ALDH8A1: variants seen among roughly 807,000 people sequenced by gnomAD.
ALDH8A1 encodes 2-aminomuconic semialdehyde dehydrogenase.
Under a neutral mutation model 43.3 loss-of-function variants are expected in ALDH8A1, and 39 were observed. The ratio of observed to expected loss-of-function variants is 0.90; its 90% CI spans 0.70 to 1.18. The LOEUF (loss-of-function observed/expected upper bound fraction) is 1.18, where lower values mean the gene tolerates loss of function less well. Ranked by LOEUF, ALDH8A1 falls within the 50% of genes most tolerant of loss-of-function variation. The pLI, the probability that ALDH8A1 is intolerant of heterozygous loss-of-function variation, is 0.00. For synonymous variants in ALDH8A1, 233 were observed against 243.5 expected (o/e 0.96, Z 0.40); for missense variants, 605 against 622.6 (o/e 0.97, Z 0.30).
In ALDH8A1 at chr6:134,932,762, C is replaced by G. The variant is rs1159389088; in HGVS notation, c.849+14G>C. ...GGCCATGGAGGGGAGGGAGAAGAACCCCCGGGGACATACCTGGTTGGCAAA... is the reference window on the plus strand; with the variant it reads ...GGCCATGGAGGGGAGGGAGAAGAACGCCCGGGGACATACCTGGTTGGCAAA... On this transcript the variant is annotated intron_variant, in intron 5 of 6. Coordinates refer to ENST00000265605, the MANE Select transcript of ALDH8A1 (RefSeq NM_022568.4). 6.2e-7 allele frequency: 1 copy of G among 1,612,108 alleles called. No individual in the cohort carries two copies. The highest frequency in any genetic ancestry group is 1.1e-5 in the South Asian group (1 of 90,742).
At position 134,933,160 on chromosome 6, in the gene ALDH8A1, T is replaced by G. The variant is rs76258916; in HGVS notation, c.593-128A>C. On this transcript the variant is annotated intron_variant, in intron 4 of 6. Coordinates refer to ENST00000265605, the MANE Select transcript of ALDH8A1 (RefSeq NM_022568.4). ...GTAGGGATGGAGGAAGCACTTGGGT[T>G]TTACAACACTTGGAACTTCTATGGC... is the stretch of plus-strand genomic sequence containing the variant. 21 of 1,082,286 alleles carry G rather than the reference T, an allele frequency of 1.9e-5. No individual in the cohort carries two copies. The African/African-American group carries it at 3.4e-4, about 17-fold the overall frequency. 67.0% of individuals were successfully genotyped at this position (1,082,286 alleles called of 1,614,324 possible).
At chr6:134,922,594 G>C (rs971434357) in intron 6 of ALDH8A1, among the ~76,000 whole-genome samples, 8 of 151,854 alleles carry the variant, frequency 5.3e-5, no homozygotes, top group African/African-American at 1.9e-4. Context: ...CACCACGTTG[G>C]CCAGGCTGGT....
At position 134,918,313 on chromosome 6, in the gene ALDH8A1, C is replaced by G. The variant is rs1776739361; in HGVS notation, c.*102G>C. On this transcript the variant is annotated 3_prime_UTR_variant, in exon 7 of 7. Transcript: ENST00000265605. The stretch of plus-strand genomic sequence containing the variant: ...AGCTAGAGATAACCTTCTGCCAAGT[C>G]AAGGCATAGCTGGAATTCATGCCAT... 1 of 1,166,712 alleles carries G rather than the reference C, an allele frequency of 8.6e-7. No individual in the cohort carries two copies. Among genetic ancestry groups the G allele is most frequent in the South Asian group, 1.5e-5 (1 of 64,986 alleles). 72.3% of individuals were successfully genotyped at this position (1,166,712 alleles called of 1,614,324 possible).
In ALDH8A1 at chr6:134,918,516, G is replaced by A; in HGVS notation, c.1363C>T (p.Leu455Phe). ...GAACTCTTCATCCCCCCGAAAGGAA[G>A]GTTCAGCTCCCTGATGAGCCAGCAG... Reference protein sequence around the residue: ...TNCWLIRELNLPFGGMKSSGI... With the variant: ...TNCWLIRELNFPFGGMKSSGI... Residue 455 changes from leucine (L) to phenylalanine (F), a missense_variant, in exon 7 of 7, where the codon CTT (leucine) becomes TTT (phenylalanine). Coordinates refer to ENST00000265605, the MANE Select transcript of ALDH8A1 (RefSeq NM_022568.4). The A allele has an allele frequency of 1.2e-6, 2 of 1,614,192 alleles. No homozygotes were observed. The highest frequency in any genetic ancestry group is 1.7e-6 in the Non-Finnish European group (2 of 1,180,036).
At chr6:134,937,103 C>T (rs916248879) in intron 4 of ALDH8A1, among the ~76,000 whole-genome samples, 2 of 152,146 alleles carry the variant, frequency 1.3e-5, no homozygotes, top group Non-Finnish European at 2.9e-5. Flanking sequence ...AGTCAGTGGG[C>T]ACTCCAGGAA....
At chr6:134,949,340 T>G (rs914393419) in intron 1 of ALDH8A1, among the ~76,000 whole-genome samples, 1 of 152,164 alleles carries the variant, frequency 6.6e-6, no homozygotes, top group African/African-American at 2.4e-5. Flanking sequence ...ATTAAACACT[T>G]TGGATAAGAA....
intron 5 of ALDH8A1, among the ~76,000 whole-genome samples, chr6:134,932,014 T>G (rs1377581286): frequency 6.6e-6 from 1 of 152,244 alleles, no homozygotes; most frequent in Non-Finnish European, 1.5e-5. Context: ...CTTTGGCCTA[T>G]GTTTTTACTC....
rs1774019343 is a variant in ALDH8A1, at chr6:134,950,048, A to G, written c.6T>C (p.Ala2=). 5.6e-6 allele frequency: 9 copies of G among 1,609,588 alleles called. No individual in the cohort carries two copies. Among genetic ancestry groups the G allele is most frequent in the Non-Finnish European group, 6.8e-6 (8 of 1,177,808 alleles). ...CCAGCATCAAAAGTGCGTTTGTTCCAGCCATAGCAAGGAAAAATTCTGCCT... is the reference window on the plus strand; with the variant it reads ...CCAGCATCAAAAGTGCGTTTGTTCCGGCCATAGCAAGGAAAAATTCTGCCT... The part of the protein sequence containing the change: M[A]GTNALLMLEN... The change falls in exon 1 of 7, where the codon GCT becomes GCC. Residue 2 remains alanine, a synonymous_variant. Coordinates refer to ENST00000265605, the MANE Select transcript of ALDH8A1 (RefSeq NM_022568.4).
At chr6:134,926,106 ACAT>A (rs929072233) in intron 6 of ALDH8A1, among the ~76,000 whole-genome samples, 17 of 152,292 alleles carry the variant, frequency 1.1e-4, no homozygotes, top group African/African-American at 3.6e-4. Context: ...ACAGCATGAC[ACAT>A]CATCACCAGT....
At chr6:134,930,722 G>A (rs1282646135) in intron 5 of ALDH8A1, among the ~76,000 whole-genome samples, 1 of 152,222 alleles carries the variant, frequency 6.6e-6, no homozygotes, top group Non-Finnish European at 1.5e-5. Flanking sequence ...ATCAGGGAAG[G>A]AGAGCATGAC....
chr6:134,942,631 G>A lies in ALDH8A1; in HGVS notation c.287-67C>T. The A allele has an allele frequency of 2.0e-6, 3 of 1,497,466 alleles. No individual in the cohort carries two copies. In the Admixed American group the frequency reaches 5.6e-5, roughly 28 times the overall value. 92.8% of individuals were successfully genotyped at this position (1,497,466 alleles called of 1,614,324 possible). A position where few individuals can be genotyped will look rare whatever the true frequency, so the allele number is the denominator to read the frequency against. On this transcript the variant is annotated intron_variant, in intron 2 of 6. Transcript: ENST00000265605. ...GACACTCTATCCATCAGCTTCCACTGCCCACGCGTCCCAACTCACACTGAA... is the reference window on the plus strand; with the variant it reads ...GACACTCTATCCATCAGCTTCCACTACCCACGCGTCCCAACTCACACTGAA...
At chr6:134,938,838 G>A (rs1396294600) in intron 4 of ALDH8A1, among the ~76,000 whole-genome samples, 1 of 151,946 alleles carries the variant, frequency 6.6e-6, no homozygotes, top group Admixed American at 6.6e-5. Flanking sequence ...TAGTAGAGAC[G>A]GGGTTTCATC....
In ALDH8A1 at chr6:134,929,129, T is replaced by G. The variant is rs563171209; in HGVS notation, c.936A>C (p.Arg312Ser). The change falls in exon 6 of 7, where the codon AGA (arginine) becomes AGC (serine). Residue 312 changes from arginine (R) to serine (S), a missense_variant. By Grantham distance (110) the Arg-to-Ser change is moderately radical. Coordinates refer to ENST00000265605, the MANE Select transcript of ALDH8A1 (RefSeq NM_022568.4). Reference protein sequence around the residue: ...EFLKRFVEATRKWKVGIPSDP... With the variant: ...EFLKRFVEATSKWKVGIPSDP... ...CAGAGGGAATGCCGACTTTCCACTT[T>G]CTGGTAGCTTCTACAAATCTCTTTA... is the stretch of plus-strand genomic sequence containing the variant. The G allele has an allele frequency of 7.4e-6, 12 of 1,614,212 alleles. No homozygotes were observed. Among genetic ancestry groups the G allele is most frequent in the South Asian group, 6.6e-5 (6 of 91,088 alleles).
At chr6:134,927,422 A>G (rs1004944628) in intron 6 of ALDH8A1, among the ~76,000 whole-genome samples, 7 of 152,200 alleles carry the variant, frequency 4.6e-5, no homozygotes, top group Admixed American at 1.3e-4. Flanking sequence ...AAATATTTAG[A>G]GTATCACAGA....
At chr6:134,932,525 A>T (rs1270111351) in intron 5 of ALDH8A1, among the ~76,000 whole-genome samples, 2 of 152,192 alleles carry the variant, frequency 1.3e-5, no homozygotes, top group Non-Finnish European at 2.9e-5. Flanking sequence ...CATTCCACCC[A>T]TGGCTGGTAC....
At chr6:134,919,836 C>T (rs7764799) in intron 6 of ALDH8A1, among the ~76,000 whole-genome samples, 12,559 of 152,132 alleles carry the variant, frequency 0.083, 1,686 homozygotes, top group African/African-American at 0.28. Flanking sequence ...TATGTATATT[C>T]TCCATGTAAA....
chr6:134,942,584 T>C lies in ALDH8A1; in HGVS notation c.287-20A>G. The C allele has an allele frequency of 6.2e-7, 1 of 1,606,310 alleles. No homozygotes were observed. The highest frequency in any genetic ancestry group is 8.5e-7 in the Non-Finnish European group (1 of 1,174,706). On this transcript the variant is annotated intron_variant, in intron 2 of 6. Coordinates refer to ENST00000265605, the MANE Select transcript of ALDH8A1 (RefSeq NM_022568.4). ...TTTTCCCTGTAAGAAGCAAACAACA[T>C]AAAGCACTATCAGCTAATGGGGACA...
intron 4 of ALDH8A1, among the ~76,000 whole-genome samples, chr6:134,938,390 A>G (rs547603999): frequency 2.0e-5 from 3 of 152,226 alleles, no homozygotes; most frequent in Non-Finnish European, 4.4e-5. Flanking sequence ...CCAATAAACT[A>G]TTAGCAGAAA....
At chr6:134,947,563 T>C (rs1773974730) in intron 1 of ALDH8A1, among the ~76,000 whole-genome samples, 1 of 151,466 alleles carries the variant, frequency 6.6e-6, no homozygotes, top group Non-Finnish European at 1.5e-5. Context: ...GCCCAAAAAA[T>C]CCAATTTAAA....
Sources: gnomAD v4.1 joint callset for allele counts (sites outside exome capture counted in the v4.1 genomes callset) on GRCh38, gnomAD v4.1.1 for gene constraint, MANE v1.5 for transcripts, NCBI Gene and HGNC (gene_info 2026-07-23, HGNC 2026-07-21) for gene names.